The following SFRP1 variants were observed in gnomAD, a reference collection of about 807,000 sequenced individuals.
SFRP1 encodes the protein secreted frizzled related protein 1, also known as secreted frizzled-related protein 1.
A neutral mutation model predicts 25.9 loss-of-function variants in SFRP1; 9 were observed. The ratio of observed to expected loss-of-function variants is 0.35; its 90% CI spans 0.21 to 0.61. The LOEUF is 0.61. Among genes scored for constraint, SFRP1 ranks in the 20% least tolerant of loss-of-function variants. SFRP1 has a pLI of 0.78. For synonymous variants in SFRP1, 178 were observed against 174.0 expected (o/e 1.02, Z -0.18); for missense variants, 346 against 418.2 (o/e 0.83, Z 1.51).
At chr8:41,298,978 C>T (rs1455895081) in intron 2 of SFRP1, among the ~76,000 whole-genome samples, 1 of 152,128 alleles carries the variant, frequency 6.6e-6, no homozygotes, top group Non-Finnish European at 1.5e-5. Flanking sequence ...CTTCTCTCCA[C>T]TCCCCTTCTT....
rs532116151 is a variant in SFRP1, at chr8:41,293,877, C to T, written c.622+9584G>A. 1.5e-3 allele frequency among the ~76,000 whole-genome samples: 221 copies of T among 152,032 alleles called. 2 individuals carry two copies. The Middle Eastern group carries it at 0.017, about 12-fold the overall frequency. On this transcript the variant is annotated intron_variant, in intron 2 of 2. Coordinates refer to ENST00000220772, the MANE Select transcript of SFRP1 (RefSeq NM_003012.5). ...AGCCTCGACCTCGCGGGCTCAGACG[C>T]ACATCCCACCAAGTAGCTGGGACCA...
Position 41,264,971 on chromosome 8 carries a change from G to A in SFRP1, c.*196C>T. On this transcript the variant is annotated 3_prime_UTR_variant, in exon 3 of 3. Coordinates refer to ENST00000220772, the MANE Select transcript of SFRP1 (RefSeq NM_003012.5). ...ATCTAAATGGCCCTTGCTTTACCCG[G>A]CCATGGCTACCCTGGGGTTTGGAGC... 1 of 559,042 alleles carries A rather than the reference G, an allele frequency of 1.8e-6. No homozygotes were observed. The highest frequency in any genetic ancestry group is 3.1e-6 in the Non-Finnish European group (1 of 317,610). The allele number at this position is 559,042 out of a possible 1,614,324, so 34.6% of individuals were successfully genotyped here.
At chr8:41,281,657 T>C (rs1803636140) in intron 2 of SFRP1, among the ~76,000 whole-genome samples, 1 of 152,190 alleles carries the variant, frequency 6.6e-6, no homozygotes, top group Admixed American at 6.5e-5. Flanking sequence ...TGACTGAGGG[T>C]TCACTGTGAA....
rs141894123 is a variant in SFRP1, at chr8:41,266,529, G to A, written c.623-1040C>T. ...CGGCTCACTGCAGCCTCAAACTCCC[G>A]GGCTCAAGCAATTCTCCCACCTCAG... is the stretch of plus-strand genomic sequence containing the variant. On this transcript the variant is annotated intron_variant, in intron 2 of 2. Coordinates refer to ENST00000220772, the MANE Select transcript of SFRP1 (RefSeq NM_003012.5). Among the ~76,000 whole-genome samples the A allele has an allele frequency of 6.3e-3, 960 of 151,834 alleles. 6 individuals are homozygous for A. Among genetic ancestry groups the A allele is most frequent in the African/African-American group, 0.02 (840 of 41,370 alleles).
At chr8:41,292,915 A>G (rs1273685605) in intron 2 of SFRP1, among the ~76,000 whole-genome samples, 1 of 152,210 alleles carries the variant, frequency 6.6e-6, no homozygotes, top group Non-Finnish European at 1.5e-5. Context: ...GGCATTTGGC[A>G]CTGTGCAGAC....
intron 1 of SFRP1, chr8:41,307,046 G>A: frequency 2.8e-6 from 4 of 1,425,604 alleles, no homozygotes; most frequent in Non-Finnish European, 2.7e-6. Context: ...CTCCAGGTCA[G>A]GGCTGGGCAC....
At position 41,303,466 on chromosome 8, in the gene SFRP1, T is replaced by C. The variant is rs775159542; in HGVS notation, c.617A>G (p.Glu206Gly). Reference sequence around the variant, plus strand: ...AGCTAGAAACGCTTTCTTACCAAACTCGCTGGCACAGAGATGTTCAATGAT... The same window carrying C: ...AGCTAGAAACGCTTTCTTACCAAACCCGCTGGCACAGAGATGTTCAATGAT... Reference protein sequence around the residue: ...EAIIEHLCASEFALRMKIKEV... With the variant: ...EAIIEHLCASGFALRMKIKEV... Residue 206 changes from glutamate to glycine, a missense_variant, in exon 2 of 3, where the codon GAG becomes GGG. By Grantham distance (98) the Glu-to-Gly change is moderately conservative (BLOSUM62 -2). Transcript: ENST00000220772. The C allele has an allele frequency of 6.2e-7, 1 of 1,613,410 alleles. No homozygotes were observed. Among genetic ancestry groups the C allele is most frequent in the South Asian group, 1.1e-5 (1 of 91,050 alleles).
At chr8:41,289,171 G>A (rs1306815134) in intron 2 of SFRP1, among the ~76,000 whole-genome samples, 5 of 152,214 alleles carry the variant, frequency 3.3e-5, no homozygotes, top group African/African-American at 9.6e-5. Context: ...TGCCTGGGGA[G>A]CAGGAGGTGC....
chr8:41,287,047 C>T (rs62636767), intron 2 of SFRP1, among the ~76,000 whole-genome samples: 10,596 of 152,288 alleles, frequency 0.07, 786 homozygotes, highest in East Asian at 0.25. Context: ...TACAGTGGGA[C>T]CCTACCACGG....
chr8:41,275,739 T>C (rs866265394), intron 2 of SFRP1, among the ~76,000 whole-genome samples: 16 of 151,172 alleles, frequency 1.1e-4, no homozygotes, highest in Middle Eastern at 3.4e-3. Flanking sequence ...CCTGACCTCG[T>C]GATCCGAGAC....
At chr8:41,279,341 G>A (rs544962675) in intron 2 of SFRP1, among the ~76,000 whole-genome samples, 26 of 152,254 alleles carry the variant, frequency 1.7e-4, no homozygotes, top group African/African-American at 6.3e-4. Flanking sequence ...AGTGGTCACC[G>A]AGTGCTTGCC....
chr8:41,291,524 G>A (rs530188335), intron 2 of SFRP1, among the ~76,000 whole-genome samples: 68 of 152,210 alleles, frequency 4.5e-4, no homozygotes, highest in African/African-American at 1.6e-3. Context: ...GACAGCACAG[G>A]GTCTCTCATC....
chr8:41,284,577 A>G (rs767264113), intron 2 of SFRP1, among the ~76,000 whole-genome samples: 1 of 152,170 alleles, frequency 6.6e-6, no homozygotes, highest in Non-Finnish European at 1.5e-5. Flanking sequence ...ATGGCTGACA[A>G]CAGCCAGGAC....
chr8:41,303,198 C>T (rs1803949948), intron 2 of SFRP1, among the ~76,000 whole-genome samples: 1 of 151,814 alleles, frequency 6.6e-6, no homozygotes, highest in Non-Finnish European at 1.5e-5. Flanking sequence ...CCAAATCAGC[C>T]TCCCTGCATG....
chr8:41,305,579 C>T (rs1347159380), intron 1 of SFRP1, among the ~76,000 whole-genome samples: 3 of 152,206 alleles, frequency 2.0e-5, no homozygotes, highest in African/African-American at 7.2e-5. Context: ...TGGGGCTCTA[C>T]AGGCTGCCTC....
At chr8:41,289,439 CT>C (rs1803749236) in intron 2 of SFRP1, among the ~76,000 whole-genome samples, 2 of 152,176 alleles carry the variant, frequency 1.3e-5, no homozygotes, top group South Asian at 4.1e-4. Context: ...ACGCAGAAGT[CT>C]TTGTTTTTGT....
At chr8:41,289,181 C>T (rs62636768) in intron 2 of SFRP1, among the ~76,000 whole-genome samples, 1,909 of 152,260 alleles carry the variant, frequency 0.013, 21 homozygotes, top group African/African-American at 0.023. Flanking sequence ...GCAGGAGGTG[C>T]CAACCAAGAT....
rs780051712 is a variant in SFRP1, at chr8:41,303,358, T to C, written c.622+103A>G. ...ATTTGGAGAGGAATGAGGTAGAGAA[T>C]ATGGAAAGCTGCAACGAGATACATC... On this transcript the variant is annotated intron_variant, in intron 2 of 2. Coordinates refer to ENST00000220772, the MANE Select transcript of SFRP1 (RefSeq NM_003012.5). 38 of 828,694 alleles carry C rather than the reference T, an allele frequency of 4.6e-5. 1 individual carries two copies. The highest frequency in any genetic ancestry group is 7.0e-5 in the Non-Finnish European group (34 of 483,666). 51.3% of individuals were successfully genotyped at this position (828,694 alleles called of 1,614,324 possible).
rs745540217 is a variant in SFRP1 at position 41,308,711 on chromosome 8, T to C, written c.449A>G (p.Tyr150Cys). ...GTCACACTTAAGCATCTCGGGCCAG[T>C]AGAAGCCGAAGAACTGCATGACCGG... is the stretch of plus-strand genomic sequence containing the variant. ...CEPVMQFFGF[Y>C]WPEMLKCDKF... Residue 150 changes from tyrosine (Y) to cysteine (C), a missense_variant, in exon 1 of 3, where the codon TAC becomes TGC. Physicochemically the swap from Tyr to Cys is radical, Grantham distance 194. Transcript: ENST00000220772. 28 of 1,611,108 alleles carry C rather than the reference T, an allele frequency of 1.7e-5. No homozygotes were observed. The highest frequency in any genetic ancestry group is 2.0e-5 in the Non-Finnish European group (24 of 1,178,754).
Sources: gnomAD v4.1 joint callset for allele counts (sites outside exome capture counted in the v4.1 genomes callset) on GRCh38, gnomAD v4.1.1 for gene constraint, MANE v1.5 for transcripts, NCBI Gene and HGNC (gene_info 2026-07-23, HGNC 2026-07-21) for gene names.